Variants in PALLD observed in about 807,000 individuals in gnomAD.
PALLD encodes the protein palladin, cytoskeletal associated protein.
PALLD carries 61 observed loss-of-function variants against 123.5 expected under a neutral mutation model. The ratio of observed to expected loss-of-function variants is 0.49; its 90% CI spans 0.40 to 0.61. The LOEUF (loss-of-function observed/expected upper bound fraction) is 0.61. Ranked by LOEUF, PALLD falls within the 20% of genes least tolerant of loss-of-function variation. The pLI is 0.00. For missense variants in PALLD, 1,273 were observed against 1,377.0 expected, an observed-to-expected ratio of 0.92 and a Z score of 1.20; for synonymous variants, 465 against 496.4, an observed-to-expected ratio of 0.94 and a Z score of 0.84.
At chr4:168,814,067 A>G (rs1030939229) in intron 10 of PALLD, among the ~76,000 whole-genome samples, 37 of 152,324 alleles carry the variant, frequency 2.4e-4, no homozygotes, top group African/African-American at 7.0e-4. Flanking sequence ...CAACAAAAAA[A>G]TGTATTAAGA....
At chr4:168,792,307 C>T (rs934939632) in intron 10 of PALLD, among the ~76,000 whole-genome samples, 5 of 150,760 alleles carry the variant, frequency 3.3e-5, no homozygotes, top group Admixed American at 1.3e-4. Context: ...ATAAGAATAG[C>T]CTCAGAACAG....
intron 10 of PALLD, among the ~76,000 whole-genome samples, chr4:168,882,684 T>C (rs2151146464): frequency 6.6e-6 from 1 of 152,290 alleles, no homozygotes; most frequent in East Asian, 1.9e-4. Flanking sequence ...CAGTATCTTA[T>C]CAAGTTGTAT....
intron 1 of PALLD, among the ~76,000 whole-genome samples, chr4:168,506,887 C>T (rs1185647648): frequency 6.6e-6 from 1 of 152,192 alleles, no homozygotes; most frequent in Admixed American, 6.5e-5. Flanking sequence ...TGTACTGCTT[C>T]CTGAGATATT....
intron 2 of PALLD, among the ~76,000 whole-genome samples, chr4:168,614,399 G>T (rs1774022033): frequency 6.6e-6 from 1 of 151,954 alleles, no homozygotes; most frequent in African/African-American, 2.4e-5. Context: ...AGCCACACTG[G>T]CTGGCCTAGT....
chr4:168,774,727 C>CAAAAAAAAAAAAAAAAA (rs56364164), intron 10 of PALLD, among the ~76,000 whole-genome samples: 3 of 73,222 alleles, frequency 4.1e-5, no homozygotes, highest in Admixed American at 1.9e-4. Flanking sequence ...GACTGCATCT[C>CAAAAAAAAAAAAAAAAA]AAAAAAAAAA....
rs1782521587 is a variant in PALLD at position 168,690,542 on chromosome 4, A to C, written c.1336-61A>C. On this transcript the variant is annotated intron_variant, in intron 6 of 21. Transcript: ENST00000505667. ...TTTGGAATTTTTATTCTGTGTTGTG[A>C]AATTGCTTAAAAATGCACCAAAGTC... 9 of 1,603,688 alleles carry C rather than the reference A, an allele frequency of 5.6e-6. No individual in the cohort carries two copies. The Admixed American group carries it at 1.5e-4, about 27-fold the overall frequency.
At chr4:168,682,953 A>T in intron 4 of PALLD, 45 bp from the exon 5 acceptor site, 2 of 1,231,504 alleles carry the variant, frequency 1.6e-6, no homozygotes, top group Non-Finnish European at 2.4e-6. Flanking sequence ...AAAAAAACGA[A>T]AACAAAAAAT....
At chr4:168,843,571 G>T (rs1275435577) in intron 10 of PALLD, among the ~76,000 whole-genome samples, 2 of 152,108 alleles carry the variant, frequency 1.3e-5, no homozygotes, top group African/African-American at 4.8e-5. Flanking sequence ...TTGTAGTTTT[G>T]ATTTGCACAG....
chr4:168,510,179 T>C (rs1166062990), intron 1 of PALLD, among the ~76,000 whole-genome samples: 1 of 152,196 alleles, frequency 6.6e-6, no homozygotes, highest in Non-Finnish European at 1.5e-5. Context: ...CTATGAACAA[T>C]ATATAGCAAA....
At chr4:168,679,263 GGGT>G in intron 3 of PALLD, among the ~76,000 whole-genome samples, 1 of 111,004 alleles carries the variant, frequency 9.0e-6, no homozygotes, top group African/African-American at 3.5e-5. Context: ...GTGTGTGGTG[GGGT>G]GTGTGTGGTG....
At chr4:168,801,680 A>G (rs1351206661) in intron 10 of PALLD, among the ~76,000 whole-genome samples, 2 of 152,224 alleles carry the variant, frequency 1.3e-5, no homozygotes, top group African/African-American at 2.4e-5. Flanking sequence ...ATAAAGTAGG[A>G]TATCACTAAG....
chr4:168,703,995 A>G (rs990352762), intron 8 of PALLD, among the ~76,000 whole-genome samples: 3 of 152,170 alleles, frequency 2.0e-5, no homozygotes, highest in African/African-American at 7.2e-5. Flanking sequence ...CATGCAGGCT[A>G]CAGTAACCAA....
chr4:168,827,289 T>TC (rs1743549685), intron 10 of PALLD, among the ~76,000 whole-genome samples: 1 of 152,222 alleles, frequency 6.6e-6, no homozygotes, highest in African/African-American at 2.4e-5. Flanking sequence ...CTTTCCCTCC[T>TC]CCCCTACTAG....
chr4:168,841,334 G>T (rs976561716), intron 10 of PALLD, among the ~76,000 whole-genome samples: 3 of 152,188 alleles, frequency 2.0e-5, no homozygotes, highest in Non-Finnish European at 2.9e-5. Context: ...TTTTCCAAAA[G>T]CTTAAGCACA....
At chr4:168,782,173 T>C (rs1736014334) in intron 10 of PALLD, among the ~76,000 whole-genome samples, 2 of 152,214 alleles carry the variant, frequency 1.3e-5, no homozygotes, top group Admixed American at 1.3e-4. Flanking sequence ...CATTCAAAGA[T>C]GCTGACTGCT....
intron 2 of PALLD, among the ~76,000 whole-genome samples, chr4:168,659,104 A>T (rs1778884426): frequency 6.6e-6 from 1 of 152,194 alleles, no homozygotes; most frequent in Admixed American, 6.5e-5. Flanking sequence ...ACTCCATAAA[A>T]ATTAATTAGT....
intron 2 of PALLD, among the ~76,000 whole-genome samples, chr4:168,584,229 T>TTTA (rs1554045725): frequency 6.7e-6 from 1 of 150,006 alleles, no homozygotes; most frequent in East Asian, 2.0e-4. Flanking sequence ...TTTTTTTTTT[T>TTTA]ACCTCGTCTT....
Position 168,779,906 on chromosome 4 carries a change from CTT to C in PALLD, c.1964+67995_1964+67996del, listed in dbSNP as rs796344831. On this transcript the variant is annotated intron_variant, in intron 10 of 21. Transcript: ENST00000505667. ...CTTCATTTCTAATCTACTATACATT[CTT>C]TTTTTTTTTTTCTTTTTGAGAGAAG... 3.6e-4 allele frequency among the ~76,000 whole-genome samples: 52 copies of C among 145,082 alleles called. 1 individual carries two copies. The highest frequency in any genetic ancestry group is 3.6e-3 in the Middle Eastern group (1 of 280).
intron 10 of PALLD, among the ~76,000 whole-genome samples, chr4:168,876,928 C>T (rs1322325834): frequency 2.6e-5 from 4 of 152,156 alleles, no homozygotes; most frequent in African/African-American, 4.8e-5. Flanking sequence ...TAGATCATTG[C>T]TAGCTGCTTA....
Sources: allele counts gnomAD v4.1 joint callset (sites outside exome capture counted in the v4.1 genomes callset), GRCh38; gene constraint gnomAD v4.1.1; transcripts MANE v1.5; gene names NCBI Gene and HGNC (gene_info 2026-07-23, HGNC 2026-07-21).